HSPBAP1: variants seen among roughly 807,000 people sequenced by gnomAD.
HSPBAP1 encodes the protein HSPB1-associated protein 1.
A neutral mutation model predicts 45.2 loss-of-function variants in HSPBAP1; 27 were observed. The observed-to-expected ratio is 0.60, with a 90% CI of 0.44 to 0.82. The LOEUF (loss-of-function observed/expected upper bound fraction) is 0.82. Ranked by LOEUF, HSPBAP1 falls within the 40% of genes least tolerant of loss-of-function variation. HSPBAP1 has a pLI of 0.00. For missense variants in HSPBAP1, 510 were observed against 590.9 expected (o/e 0.86, Z 1.42); for synonymous variants, 204 against 202.7 (o/e 1.01, Z -0.06).
intron 6 of HSPBAP1, 146 bp downstream of exon 6, chr3:122,752,445 A>C: frequency 1.9e-6 from 1 of 533,570 alleles, no homozygotes. Flanking sequence ...GACAGAATGC[A>C]TACGTTATAG....
At chr3:122,750,197 T>C (rs1041039225) in intron 6 of HSPBAP1, among the ~76,000 whole-genome samples, 1 of 151,982 alleles carries the variant, frequency 6.6e-6, no homozygotes, top group Non-Finnish European at 1.5e-5. Context: ...ATGGTCTCGA[T>C]CTTTTGACCT....
intron 3 of HSPBAP1, among the ~76,000 whole-genome samples, chr3:122,761,183 A>G (rs1473406734): frequency 6.6e-6 from 1 of 152,214 alleles, no homozygotes; most frequent in Non-Finnish European, 1.5e-5. Context: ...AAAGGAAAAA[A>G]GAGAGACTTG....
chr3:122,756,083 C>A (rs1356093514), intron 4 of HSPBAP1, among the ~76,000 whole-genome samples: 2 of 152,138 alleles, frequency 1.3e-5, no homozygotes, highest in African/African-American at 2.4e-5. Flanking sequence ...CACTCCTATG[C>A]TTTATGCCAA....
chr3:122,768,823 A>C lies in HSPBAP1; in HGVS notation c.310T>G (p.Trp104Gly). The change falls in exon 3 of 8, where the codon TGG becomes GGG. Residue 104 changes from tryptophan (W) to glycine (G), a missense_variant. Trp to Gly is a radical substitution (Grantham distance 184, BLOSUM62 -2). Transcript: ENST00000306103. ...GAAATACTAGACTGGTCACAGTTCC[A>C]GGTCAGAAACTCTTCGAGTGTAGCT... ...VEATLEEFLTWNCDQSSISGP... is the reference protein window; with the variant it reads ...VEATLEEFLTGNCDQSSISGP... 6.2e-7 allele frequency: 1 copy of C among 1,612,350 alleles called. No individual in the cohort carries two copies. Among genetic ancestry groups the C allele is most frequent in the African/African-American group, 1.3e-5 (1 of 75,024 alleles).
At chr3:122,770,431 G>C (rs774066722) in intron 2 of HSPBAP1, among the ~76,000 whole-genome samples, 44 of 152,310 alleles carry the variant, frequency 2.9e-4, no homozygotes, top group Non-Finnish European at 4.9e-4. Flanking sequence ...AGGCGTAGTG[G>C]AACATGCCTA....
At chr3:122,780,522 C>T (rs1267765434) in intron 1 of HSPBAP1, among the ~76,000 whole-genome samples, 2 of 134,950 alleles carry the variant, frequency 1.5e-5, no homozygotes, top group Non-Finnish European at 3.1e-5. Flanking sequence ...CCCCCCACCT[C>T]CCTCCCGGAC....
At chr3:122,757,758 A>T (rs371102734) in intron 4 of HSPBAP1, among the ~76,000 whole-genome samples, 4 of 152,242 alleles carry the variant, frequency 2.6e-5, no homozygotes, top group African/African-American at 9.6e-5. Context: ...AAATAAAGTG[A>T]TATTAACTTT....
chr3:122,761,794 CAA>C (rs572486620), intron 3 of HSPBAP1: 38 of 53,850 alleles, frequency 7.1e-4, no homozygotes, highest in Admixed American at 8.7e-4. Context: ...GACCTTGTCT[CAA>C]AAAAAAAAAA....
At chr3:122,746,928 T>A (rs1019061863) in intron 6 of HSPBAP1, among the ~76,000 whole-genome samples, 1 of 151,964 alleles carries the variant, frequency 6.6e-6, no homozygotes, top group African/African-American at 2.4e-5. Flanking sequence ...GTGCTGGGAT[T>A]GCAGACGGAG....
chr3:122,744,894 C>T (rs1933791227), intron 6 of HSPBAP1, among the ~76,000 whole-genome samples: 1 of 151,948 alleles, frequency 6.6e-6, no homozygotes, highest in Non-Finnish European at 1.5e-5. Flanking sequence ...CAATATTAGG[C>T]AATCAATTGA....
In HSPBAP1 at chr3:122,768,840, A is replaced by G; in HGVS notation, c.293T>C (p.Leu98Pro). 1 of 1,613,010 alleles carries G rather than the reference A, an allele frequency of 6.2e-7. No homozygotes were observed. Among genetic ancestry groups the G allele is most frequent in the Non-Finnish European group, 8.5e-7 (1 of 1,178,984 alleles). ...ACAGTTCCAGGTCAGAAACTCTTCGAGTGTAGCTTCTACGTAATTACATGT... is the reference window on the plus strand; with the variant it reads ...ACAGTTCCAGGTCAGAAACTCTTCGGGTGTAGCTTCTACGTAATTACATGT... ...ETTCNYVEAT[L>P]EEFLTWNCDQ... is the part of the protein sequence containing the mutation. Residue 98 changes from leucine (L) to proline (P), a missense_variant, in exon 3 of 8, where the codon CTC becomes CCC. Physicochemically the swap from Leu to Pro is moderately conservative, Grantham distance 98. Transcript: ENST00000306103.
intron 6 of HSPBAP1, among the ~76,000 whole-genome samples, chr3:122,752,313 A>G (rs1196586177): frequency 1.3e-5 from 2 of 152,176 alleles, no homozygotes; most frequent in Non-Finnish European, 2.9e-5. Flanking sequence ...AATTTTCCTA[A>G]CAACACTGGT....
intron 6 of HSPBAP1, among the ~76,000 whole-genome samples, chr3:122,748,584 A>T (rs1053850435): frequency 2.0e-5 from 3 of 152,212 alleles, no homozygotes; most frequent in Non-Finnish European, 2.9e-5. Flanking sequence ...AAGTTCAACA[A>T]CAGATTTTGT....
At chr3:122,753,792 G>T (rs921546864) in intron 5 of HSPBAP1, 7 of 985,264 alleles carry the variant, frequency 7.1e-6, no homozygotes, top group Non-Finnish European at 6.0e-6. Flanking sequence ...TCAGAGTAAA[G>T]TTTCAGTAAA....
intron 3 of HSPBAP1, among the ~76,000 whole-genome samples, chr3:122,767,854 A>G (rs1315357751): frequency 1.3e-5 from 2 of 152,092 alleles, no homozygotes; most frequent in Non-Finnish European, 2.9e-5. Context: ...GGTGGCAGAG[A>G]GGAGAAGGGG....
At chr3:122,787,300 G>C (rs569046841) in intron 1 of HSPBAP1, among the ~76,000 whole-genome samples, 1 of 152,140 alleles carries the variant, frequency 6.6e-6, no homozygotes, top group Non-Finnish European at 1.5e-5. Context: ...TTAATGTAAA[G>C]TACAAGATAA....
chr3:122,765,581 A>G (rs1447143705), intron 3 of HSPBAP1, among the ~76,000 whole-genome samples: 1 of 137,054 alleles, frequency 7.3e-6, no homozygotes, highest in Non-Finnish European at 1.5e-5. Context: ...ACTCTGTCTC[A>G]AAAAAAAAAA....
chr3:122,793,291 A>G (rs1935893305), intron 1 of HSPBAP1, among the ~76,000 whole-genome samples: 2 of 152,192 alleles, frequency 1.3e-5, no homozygotes, highest in African/African-American at 4.8e-5. Context: ...GTTGCCTTCA[A>G]TTTCACAAAT....
intron 1 of HSPBAP1, among the ~76,000 whole-genome samples, chr3:122,779,524 T>TTTATTTATTTATTTA (rs1560158948): frequency 8.3e-5 from 4 of 48,336 alleles, no homozygotes; most frequent in Admixed American, 1.6e-4. Flanking sequence ...TTATTTATTT[T>TTTATTTATTTATTTA]TTATTGATCA....
Sources: gnomAD v4.1 joint callset for allele counts (sites outside exome capture counted in the v4.1 genomes callset) on GRCh38, gnomAD v4.1.1 for gene constraint, MANE v1.5 for transcripts, NCBI Gene and HGNC (gene_info 2026-07-23, HGNC 2026-07-21) for gene names.